C19orf44: variants seen among roughly 807,000 people sequenced by gnomAD.
C19orf44 encodes the protein chromosome 19 open reading frame 44.
C19orf44 carries 43 observed loss-of-function variants against 50.7 expected under a neutral mutation model. The observed-to-expected ratio is 0.85, with a 90% CI of 0.66 to 1.09. C19orf44 has a LOEUF of 1.09. Ranked by LOEUF, C19orf44 falls within the 50% of genes least tolerant of loss-of-function variation. C19orf44 has a pLI of 0.00. For missense variants in C19orf44, 722 were observed against 836.2 expected (o/e 0.86, Z 1.68); for synonymous variants, 298 against 334.7 (o/e 0.89, Z 1.20).
rs2085593584 is a variant in C19orf44, at chr19:16,519,978, C to T, written c.*41-116C>T. 9 of 746,690 alleles carry T rather than the reference C, an allele frequency of 1.2e-5. No homozygotes were observed. The highest frequency in any genetic ancestry group is 7.7e-5 in the East Asian group (3 of 38,878). The allele number at this position is 746,690 out of a possible 1,614,324, so 46.3% of individuals were successfully genotyped here. A position where few individuals can be genotyped will look rare whatever the true frequency, so the allele number is the denominator to read the frequency against. On this transcript the variant is annotated intron_variant, in intron 8 of 8. Transcript: ENST00000221671. This position sits in a 1 kb window ranked among gnomAD's most constrained non-coding sequence, Gnocchi z 6.0. ...TTAGAAAGCAGACCCCAGTTACTGCCTCAGGCTTCGCCAAGTGGCTACTGT... is the reference window on the plus strand; with the variant it reads ...TTAGAAAGCAGACCCCAGTTACTGCTTCAGGCTTCGCCAAGTGGCTACTGT...
intron 3 of C19orf44, among the ~76,000 whole-genome samples, chr19:16,504,919 A>T (rs1400515146): frequency 1.3e-5 from 2 of 150,236 alleles, no homozygotes; most frequent in Non-Finnish European, 3.0e-5. Flanking sequence ...CCTGGGTTCA[A>T]GCGATTCTCC....
Position 16,501,014 on chromosome 19 carries a change from C to G in C19orf44, c.222C>G (p.Pro74=), listed in dbSNP as rs761675674. The G allele has an allele frequency of 6.2e-6, 10 of 1,613,880 alleles. No individual in the cohort carries two copies. Among genetic ancestry groups the G allele is most frequent in the Non-Finnish European group, 8.5e-6 (10 of 1,179,968 alleles). The change falls in exon 2 of 9, where the codon CCC becomes CCG. Residue 74 remains proline (P), a synonymous_variant. Transcript: ENST00000221671. ...LKENPVLGSG[P]RLASCRPPTT... ...AGAACCCTGTGCTCGGGAGTGGACC[C>G]AGGCTTGCCTCATGTAGACCGCCCA... is the stretch of plus-strand genomic sequence containing the variant.
chr19:16,519,222 G>A lies in C19orf44; in HGVS notation c.*41-872G>A. 1 of 1,614,078 alleles carries A rather than the reference G, an allele frequency of 6.2e-7. No homozygotes were observed. The highest frequency in any genetic ancestry group is 8.5e-7 in the Non-Finnish European group (1 of 1,180,040). ...AGGAGTAGCTCTTGTTCCTGCGGTA[G>A]TTCTCATAGGGGTCATCCAGAGCCA... On this transcript the variant is annotated intron_variant, in intron 8 of 8. Coordinates refer to ENST00000221671, the MANE Select transcript of C19orf44 (RefSeq NM_032207.4). The surrounding 1 kb of genome is among the most constrained non-coding windows in gnomAD (Gnocchi z 6.0).
rs2093451511 is a variant in C19orf44 at position 16,509,814 on chromosome 19, G to C, written c.1465G>C (p.Glu489Gln). ...TASEPTAHSK[E>Q]SLDRTLDALS... ...ATCTGAGCCAACCGCCCATTCCAAGGAGTCTCTTGACAGAACACTGGACGC... is the reference window on the plus strand; with the variant it reads ...ATCTGAGCCAACCGCCCATTCCAAGCAGTCTCTTGACAGAACACTGGACGC... Residue 489 changes from glutamate to glutamine, a missense_variant, in exon 5 of 9, where the codon GAG (glutamate) becomes CAG (glutamine). Transcript: ENST00000221671. 2 of 1,614,118 alleles carry C rather than the reference G, an allele frequency of 1.2e-6. No homozygotes were observed. The highest frequency in any genetic ancestry group is 2.2e-5 in the South Asian group (2 of 91,088).
chr19:16,500,307 C>T (rs1051973338), intron 1 of C19orf44, among the ~76,000 whole-genome samples: 6 of 151,768 alleles, frequency 4.0e-5, no homozygotes, highest in East Asian at 1.9e-4. Context: ...GATTTTCACA[C>T]GTCACCTTAT....
intron 6 of C19orf44, 45 bp downstream of exon 6, chr19:16,513,154 A>T (rs2093462662): frequency 1.9e-6 from 3 of 1,584,834 alleles, no homozygotes; most frequent in Non-Finnish European, 2.6e-6. Context: ...ATTTTACAGG[A>T]CTCATTTCAC....
chr19:16,510,865 T>C (rs2093455229), intron 5 of C19orf44, among the ~76,000 whole-genome samples: 1 of 151,848 alleles, frequency 6.6e-6, no homozygotes. Context: ...GCCTCCTGAG[T>C]AGTAGGATTA....
chr19:16,517,384 C>A, intron 8 of C19orf44, 43 bp downstream of exon 8: 1 of 1,373,572 alleles, frequency 7.3e-7, no homozygotes. Context: ...CGCACACAAA[C>A]ATAGAGCTCA....
chr19:16,504,052 C>T (rs2093433127), intron 3 of C19orf44, among the ~76,000 whole-genome samples: 1 of 152,120 alleles, frequency 6.6e-6, no homozygotes, highest in South Asian at 2.1e-4. Flanking sequence ...GTTGTGCGCA[C>T]CTGTAGTCCC....
chr19:16,497,183 C>T (rs1389167660), intron 1 of C19orf44, among the ~76,000 whole-genome samples: 4 of 151,572 alleles, frequency 2.6e-5, no homozygotes. Flanking sequence ...CCTGACCTCA[C>T]GTAATCTGCC....
chr19:16,504,216 C>G (rs944221977), intron 3 of C19orf44, among the ~76,000 whole-genome samples: 2 of 152,020 alleles, frequency 1.3e-5, no homozygotes, highest in African/African-American at 4.8e-5. Context: ...TTTTTTTAAA[C>G]CCAAAAACCT....
chr19:16,501,545 A>C lies in C19orf44; in HGVS notation c.753A>C (p.Leu251=). ...TCAGCGAGGAAGAAGAAAGAAAACT[A>C]TTTTCGGTGAGATTTTTTTTTTTTG... ...ANVSEEEERK[L]FSVPSQLRAF... Residue 251 remains leucine, a synonymous_variant, in exon 2 of 9, where the codon CTA becomes CTC. Coordinates refer to ENST00000221671, the MANE Select transcript of C19orf44 (RefSeq NM_032207.4). 1.0e-5 allele frequency: 14 copies of C among 1,377,876 alleles called. No homozygotes were observed. The highest frequency in any genetic ancestry group is 1.3e-5 in the Non-Finnish European group (14 of 1,060,418). 85.4% of individuals were successfully genotyped at this position (1,377,876 alleles called of 1,614,324 possible).
Position 16,500,922 on chromosome 19 carries a change from G to C in C19orf44, c.130G>C (p.Ala44Pro). ...FQISRNLTKI[A>P]PGHSRFLKRN... is the part of the protein sequence containing the mutation. ...GATCAGTAGAAATCTTACCAAAATAGCACCTGGTCATAGCAGATTTCTAAA... is the reference window on the plus strand; with the variant it reads ...GATCAGTAGAAATCTTACCAAAATACCACCTGGTCATAGCAGATTTCTAAA... Residue 44 changes from alanine to proline, a missense_variant, in exon 2 of 9, where the codon GCA becomes CCA. Transcript: ENST00000221671. 1 of 1,613,936 alleles carries C rather than the reference G, an allele frequency of 6.2e-7. No individual in the cohort carries two copies. The highest frequency in any genetic ancestry group is 8.5e-7 in the Non-Finnish European group (1 of 1,179,988).
intron 4 of C19orf44, among the ~76,000 whole-genome samples, chr19:16,508,832 T>C (rs2093447971): frequency 1.3e-5 from 2 of 151,488 alleles, no homozygotes; most frequent in African/African-American, 2.4e-5. Flanking sequence ...GAAATGTTTT[T>C]TTTTTGAGAC....
Position 16,501,176 on chromosome 19 carries a change from A to C in C19orf44, c.384A>C (p.Pro128=), listed in dbSNP as rs1338676666. ...CAATGACCGCCGATGCTGGTCTTCC[A>C]AAGAGAGCTGACAGAATCCTCTCTG... ...SDSMTADAGL[P]KRADRILSGG... The change falls in exon 2 of 9, where the codon CCA becomes CCC. Residue 128 remains proline, a synonymous_variant. Coordinates refer to ENST00000221671, the MANE Select transcript of C19orf44 (RefSeq NM_032207.4). 1 of 1,614,176 alleles carries C rather than the reference A, an allele frequency of 6.2e-7. No individual in the cohort carries two copies. Among genetic ancestry groups the C allele is most frequent in the African/African-American group, 1.3e-5 (1 of 75,040 alleles).
At chr19:16,503,479 A>G (rs987163038) in intron 3 of C19orf44, 99 bp downstream of exon 3, 33 of 1,305,274 alleles carry the variant, frequency 2.5e-5, no homozygotes, top group Admixed American at 5.3e-5. Flanking sequence ...TGCCACAGGC[A>G]GGGAGTTTTG....
At chr19:16,507,725 C>A (rs1051376261) in intron 4 of C19orf44, among the ~76,000 whole-genome samples, 1 of 151,884 alleles carries the variant, frequency 6.6e-6, no homozygotes, top group Admixed American at 6.6e-5. Flanking sequence ...CTCCTGACTG[C>A]AAGTGATCCA....
At chr19:16,497,777 A>G (rs1245228006) in intron 1 of C19orf44, among the ~76,000 whole-genome samples, 1 of 152,182 alleles carries the variant, frequency 6.6e-6, no homozygotes, top group Admixed American at 6.6e-5. Flanking sequence ...TTCACTAATT[A>G]ATGGATAGTT....
intron 4 of C19orf44, among the ~76,000 whole-genome samples, chr19:16,507,043 A>G (rs1428037265): frequency 6.6e-6 from 1 of 152,156 alleles, no homozygotes; most frequent in East Asian, 1.9e-4. Context: ...TCTGCCCCCC[A>G]GGGGACATTG....
Sources: allele counts gnomAD v4.1 joint callset (sites outside exome capture counted in the v4.1 genomes callset), GRCh38; gene constraint gnomAD v4.1.1; non-coding constraint Gnocchi (gnomAD v3.1); transcripts MANE v1.5; gene names NCBI Gene and HGNC (gene_info 2026-07-23, HGNC 2026-07-21).